Variants in ZSCAN26 observed in about 807,000 individuals in gnomAD.
ZSCAN26 encodes the protein zinc finger and SCAN domain containing 26.
ZSCAN26 carries 26 observed loss-of-function variants against 23.0 expected under a neutral mutation model. That is an observed-to-expected ratio of 1.13 (90% CI 0.83 to 1.57). ZSCAN26 has a LOEUF of 1.57. Among genes scored for constraint, ZSCAN26 ranks in the 40% most tolerant of loss-of-function variants. The pLI is 0.00. For synonymous variants in ZSCAN26, 180 were observed against 202.5 expected, an observed-to-expected ratio of 0.89 and a Z score of 0.94; for missense variants, 528 against 568.5, an observed-to-expected ratio of 0.93 and a Z score of 0.72.
chr6:28,271,547 T>A (rs962967170), intron 1 of ZSCAN26, among the ~76,000 whole-genome samples: 2 of 152,094 alleles, frequency 1.3e-5, no homozygotes, highest in Non-Finnish European at 2.9e-5. Context: ...CAGGCTGGAC[T>A]CAAACTCCTG....
chr6:28,271,706 T>C (rs1324732609), intron 1 of ZSCAN26, 148 bp from the exon 2 acceptor site: 9 of 546,010 alleles, frequency 1.6e-5, no homozygotes, highest in Non-Finnish European at 2.6e-5. Context: ...TTCTGTAAGA[T>C]AGTTTTTTCC....
At position 28,272,002 on chromosome 6, in the gene ZSCAN26, A is replaced by G. The variant is rs1581610318; in HGVS notation, c.83A>G (p.His28Arg). The G allele has an allele frequency of 1.9e-6, 3 of 1,551,730 alleles. No individual in the cohort carries two copies. In the East Asian group the frequency reaches 7.3e-5, roughly 38 times the overall value. The change falls in exon 2 of 4, where the codon CAC becomes CGC. Residue 28 changes from histidine to arginine, a missense_variant. By Grantham distance (29) the His-to-Arg change is conservative. Transcript: ENST00000421553. The part of the protein sequence containing the change: ...KEGLRVVRED[H>R]YSTWEQGFKL... The stretch of plus-strand genomic sequence containing the variant: ...GGGCTTCGGGTAGTGAGGGAGGATC[A>G]CTACTCTACTTGGGAACAGGGATTC...
chr6:28,276,192 C>G lies in ZSCAN26; in HGVS notation c.539-3C>G. ...AATTGGTGGTATATATTTAATATTG[C>G]AGGTGAGGAGACAAGGATTGAGAAT... On this transcript the variant is annotated splice_region_variant and splice_polypyrimidine_tract_variant and intron_variant, in intron 3 of 3. Transcript: ENST00000421553. The G allele has an allele frequency of 6.3e-7, 1 of 1,596,568 alleles. No homozygotes were observed. Among genetic ancestry groups the G allele is most frequent in the Non-Finnish European group, 8.5e-7 (1 of 1,171,294 alleles).
At chr6:28,273,411 G>A (rs559865048) in intron 3 of ZSCAN26, among the ~76,000 whole-genome samples, 13 of 152,072 alleles carry the variant, frequency 8.5e-5, no homozygotes, top group Admixed American at 3.3e-4. Context: ...GTTTGGTGGC[G>A]GGTGCCTGTA....
Position 28,276,223 on chromosome 6 carries a change from G to A in ZSCAN26, c.567G>A (p.Lys189=), listed in dbSNP as rs997144670. The change falls in exon 4 of 4, where the codon AAG becomes AAA. Residue 189 remains lysine, a synonymous_variant. Transcript: ENST00000421553. ...AGGAGACAAGGATTGAGAATGGGAA[G>A]CTTATTGTAGTAACAGACTCTTGTG... ...KGEETRIENG[K]LIVVTDSCGR... The A allele has an allele frequency of 1.9e-6, 3 of 1,612,728 alleles. No homozygotes were observed. The Admixed American group carries it at 5.0e-5, about 27-fold the overall frequency.
chr6:28,272,810 T>A (rs756790497), intron 3 of ZSCAN26, 23 bp downstream of exon 3: 4 of 1,586,792 alleles, frequency 2.5e-6, no homozygotes, highest in Non-Finnish European at 3.5e-6. Context: ...TTGCATCTTC[T>A]GTGTGTGAGA....
rs1005447135 is a variant in ZSCAN26 at position 28,277,287 on chromosome 6, T to C, written c.*191T>C. On this transcript the variant is annotated 3_prime_UTR_variant, in exon 4 of 4. Transcript: ENST00000421553. ...TGGACCACAATAATTTCACTGTAGATGATATGCTAGGATCAAAGTTAAACA... is the reference window on the plus strand; with the variant it reads ...TGGACCACAATAATTTCACTGTAGACGATATGCTAGGATCAAAGTTAAACA... The C allele has an allele frequency of 1.0e-5, 6 of 600,728 alleles. No individual in the cohort carries two copies. The highest frequency in any genetic ancestry group is 1.7e-5 in the Non-Finnish European group (6 of 342,988). The allele number at this position is 600,728 out of a possible 1,614,324, so 37.2% of individuals were successfully genotyped here.
At chr6:28,271,517 C>G (rs988463536) in intron 1 of ZSCAN26, among the ~76,000 whole-genome samples, 13 of 152,054 alleles carry the variant, frequency 8.5e-5, no homozygotes, top group Admixed American at 8.5e-4. Context: ...TGCCACCATG[C>G]CTGGTGTCAC....
intron 3 of ZSCAN26, among the ~76,000 whole-genome samples, chr6:28,275,347 C>A (rs1289674374): frequency 6.6e-6 from 1 of 152,088 alleles, no homozygotes; most frequent in Non-Finnish European, 1.5e-5. Context: ...TTCTTCTCAC[C>A]CGTCTGCTTG....
intron 1 of ZSCAN26, among the ~76,000 whole-genome samples, chr6:28,267,745 G>A (rs1304617892): frequency 6.6e-6 from 1 of 152,036 alleles, no homozygotes; most frequent in Non-Finnish European, 1.5e-5. Context: ...GTCTTTTTTT[G>A]GTGTGTGTTT....
chr6:28,270,453 A>C (rs947970661), intron 1 of ZSCAN26, among the ~76,000 whole-genome samples: 1 of 152,166 alleles, frequency 6.6e-6, no homozygotes, highest in African/African-American at 2.4e-5. Context: ...CTAAATCCCC[A>C]CATACCAAGG....
At chr6:28,276,062 G>T (rs1422861867) in intron 3 of ZSCAN26, 133 bp from the exon 4 acceptor site, 13 of 733,952 alleles carry the variant, frequency 1.8e-5, no homozygotes, top group Non-Finnish European at 2.8e-5. Context: ...ACTATTTTAC[G>T]CAATCACAAG....
intron 3 of ZSCAN26, 140 bp from the exon 4 acceptor site, chr6:28,276,055 A>G: frequency 4.2e-6 from 3 of 715,508 alleles, no homozygotes; most frequent in Non-Finnish European, 6.8e-6. Flanking sequence ...TTCTGTAACT[A>G]TTTTACGCAA....
At position 28,272,238 on chromosome 6, in the gene ZSCAN26, C is replaced by A; in HGVS notation, c.319C>A (p.Leu107Ile). 1 of 1,613,434 alleles carries A rather than the reference C, an allele frequency of 6.2e-7. No homozygotes were observed. Among genetic ancestry groups the A allele is most frequent in the Non-Finnish European group, 8.5e-7 (1 of 1,179,746 alleles). The change falls in exon 2 of 4, where the codon CTC (leucine) becomes ATC (isoleucine). Residue 107 changes from leucine to isoleucine, a missense_variant. Physicochemically the swap from Leu to Ile is conservative, Grantham distance 5. Transcript: ENST00000421553. The part of the protein sequence containing the change: ...EQFLIILPKE[L>I]QARVQEHHPE... ...GTTTCTGATCATCCTGCCTAAGGAGCTCCAGGCCCGGGTGCAGGAGCATCA... is the reference window on the plus strand; with the variant it reads ...GTTTCTGATCATCCTGCCTAAGGAGATCCAGGCCCGGGTGCAGGAGCATCA...
chr6:28,272,329 G>T lies in ZSCAN26; in HGVS notation c.410G>T (p.Gly137Val). 1 of 1,533,680 alleles carries T rather than the reference G, an allele frequency of 6.5e-7. No homozygotes were observed. The highest frequency in any genetic ancestry group is 2.4e-5 in the East Asian group (1 of 41,650). ...TTGCAGCTGGATCTTGGAGAAACAG[G>T]ACAACAGGTGGTAAGGGTCAGATGT... ...EDLQLDLGET[G>V]QQVDPDQPKK... The change falls in exon 2 of 4, where the codon GGA becomes GTA. Residue 137 changes from glycine (G) to valine (V), a missense_variant. Coordinates refer to ENST00000421553, the MANE Select transcript of ZSCAN26 (RefSeq NM_001023560.4).
At position 28,276,477 on chromosome 6, in the gene ZSCAN26, A is replaced by G; in HGVS notation, c.821A>G (p.Lys274Arg). 6.2e-7 allele frequency: 1 copy of G among 1,614,004 alleles called. No homozygotes were observed. The change falls in exon 4 of 4, where the codon AAG becomes AGG. Residue 274 changes from lysine (K) to arginine (R), a missense_variant. Coordinates refer to ENST00000421553, the MANE Select transcript of ZSCAN26 (RefSeq NM_001023560.4). Reference sequence around the variant, plus strand: ...CAGAGTTCCAGTCTTACAGGACATAAGAAAGTCCTCTCTAGAGAGAAAGGT... The same window carrying G: ...CAGAGTTCCAGTCTTACAGGACATAGGAAAGTCCTCTCTAGAGAGAAAGGT... Reference protein sequence around the residue: ...VCQSSSLTGHKKVLSREKGHQ... With the variant: ...VCQSSSLTGHRKVLSREKGHQ...
chr6:28,272,702 TGTG>T lies in ZSCAN26; in HGVS notation c.455_457del (p.Val152del). ...ACCAGCCAAAGAAACAAAAAATACT[TGTG>T]GAGGAGATGGCCCCTCTGAAAGGAG... On this transcript the variant is annotated inframe_deletion, in exon 3 of 4. Transcript: ENST00000421553. 6.2e-7 allele frequency: 1 copy of T among 1,611,986 alleles called. No homozygotes were observed. Among genetic ancestry groups the T allele is most frequent in the Non-Finnish European group, 8.5e-7 (1 of 1,179,120 alleles).
In ZSCAN26 at chr6:28,272,336, G is replaced by T; in HGVS notation, c.417G>T (p.Gln139His). The stretch of plus-strand genomic sequence containing the variant: ...TGGATCTTGGAGAAACAGGACAACA[G>T]GTGGTAAGGGTCAGATGTGCTCTTT... Reference protein sequence around the residue: ...LQLDLGETGQQVDPDQPKKQK... With the variant: ...LQLDLGETGQHVDPDQPKKQK... The change falls in exon 2 of 4, where the codon CAG becomes CAT. Residue 139 changes from glutamine (Q) to histidine (H), a missense_variant. Transcript: ENST00000421553. 6.6e-7 allele frequency: 1 copy of T among 1,523,402 alleles called. No individual in the cohort carries two copies. The highest frequency in any genetic ancestry group is 8.8e-7 in the Non-Finnish European group (1 of 1,133,208). 94.4% of individuals were successfully genotyped at this position (1,523,402 alleles called of 1,614,324 possible). A position where few individuals can be genotyped will look rare whatever the true frequency, so the allele number is the denominator to read the frequency against.
chr6:28,277,123 C>A lies in ZSCAN26; in HGVS notation c.*27C>A. The stretch of plus-strand genomic sequence containing the variant: ...GAGGTGTTCTCTCCTTGTAGAACAT[C>A]AGAGAAGGCACATTGACTAGCAAAC... On this transcript the variant is annotated 3_prime_UTR_variant, in exon 4 of 4. Coordinates refer to ENST00000421553, the MANE Select transcript of ZSCAN26 (RefSeq NM_001023560.4). 1 of 1,588,456 alleles carries A rather than the reference C, an allele frequency of 6.3e-7. No homozygotes were observed. The highest frequency in any genetic ancestry group is 8.6e-7 in the Non-Finnish European group (1 of 1,169,432).
Sources: allele counts gnomAD v4.1 joint callset (sites outside exome capture counted in the v4.1 genomes callset), GRCh38; gene constraint gnomAD v4.1.1; transcripts MANE v1.5; gene names NCBI Gene and HGNC (gene_info 2026-07-23, HGNC 2026-07-21).